Variants in EXOC4 observed in about 807,000 individuals in gnomAD.
EXOC4 encodes SEC8-like 1.
Under a neutral mutation model 107.2 loss-of-function variants are expected in EXOC4, and 71 were observed. That is an observed-to-expected ratio of 0.66 (90% confidence interval 0.55 to 0.81). EXOC4 has a LOEUF of 0.81. Ranked by LOEUF, EXOC4 falls within the 30% of genes least tolerant of loss-of-function variation. EXOC4 has a pLI of 0.00. For synonymous variants in EXOC4, 456 were observed against 441.2 expected, an observed-to-expected ratio of 1.03 and a Z score of -0.42; for missense variants, 1,108 against 1,189.6, an observed-to-expected ratio of 0.93 and a Z score of 1.01.
intron 14 of EXOC4, among the ~76,000 whole-genome samples, chr7:133,956,845 A>C (rs1223476041): frequency 1.3e-5 from 2 of 152,244 alleles, no homozygotes; most frequent in Admixed American, 1.3e-4. Flanking sequence ...GATCATACTT[A>C]TTCCACCACA....
At chr7:133,971,349 TATATATATATATAGAG>T (rs1303325352) in intron 14 of EXOC4, among the ~76,000 whole-genome samples, 7 of 99,998 alleles carry the variant, frequency 7.0e-5, no homozygotes, top group Admixed American at 1.1e-4. Context: ...TATATATATA[TATATATATATATAGAG>T]AGAGAGAGAG....
chr7:133,937,028 A>G (rs1800320041), intron 13 of EXOC4, among the ~76,000 whole-genome samples: 1 of 152,168 alleles, frequency 6.6e-6, no homozygotes, highest in African/African-American at 2.4e-5. Flanking sequence ...GAAATTAGGA[A>G]GCCTGAGTCC....
rs140151662 is a variant in EXOC4 at position 134,007,550 on chromosome 7, T to C, written c.2528-126T>C. 4.3e-3 allele frequency: 3,374 copies of C among 791,992 alleles called. 18 individuals are homozygous for C. Among genetic ancestry groups the C allele is most frequent in the Non-Finnish European group, 4.8e-3 (2,587 of 543,728 alleles). The allele number at this position is 791,992 out of a possible 1,614,324, so 49.1% of individuals were successfully genotyped here. On this transcript the variant is annotated intron_variant, in intron 16 of 17. Coordinates refer to ENST00000253861, the MANE Select transcript of EXOC4 (RefSeq NM_021807.4). ...GATCAGCAGATGCAACCATCAGAGG[T>C]AGATTTTCTTTGGTCGTTTAAATGT...
intron 10 of EXOC4, among the ~76,000 whole-genome samples, chr7:133,695,239 C>T (rs1324718264): frequency 1.3e-5 from 2 of 151,786 alleles, no homozygotes; most frequent in Non-Finnish European, 2.9e-5. Context: ...CTTTCTGTGC[C>T]TGGGTTTTTT....
intron 11 of EXOC4, among the ~76,000 whole-genome samples, chr7:133,843,866 C>T (rs1798069606): frequency 6.6e-6 from 1 of 152,092 alleles, no homozygotes; most frequent in Non-Finnish European, 1.5e-5. Context: ...GGGTTTTTAA[C>T]CTGAAGAGAT....
intron 17 of EXOC4, among the ~76,000 whole-genome samples, chr7:134,010,893 T>A (rs1794748115): frequency 6.6e-6 from 1 of 152,208 alleles, no homozygotes; most frequent in African/African-American, 2.4e-5. Context: ...CTCATAGTAT[T>A]GTTATCTTGT....
intron 9 of EXOC4, among the ~76,000 whole-genome samples, chr7:133,556,946 CAGTG>C (rs898271820): frequency 2.6e-5 from 4 of 152,132 alleles, no homozygotes; most frequent in Non-Finnish European, 5.9e-5. Context: ...CCCTCTGTTT[CAGTG>C]AGTGAGTGAG....
At chr7:133,899,745 CTT>C (rs35095963) in intron 12 of EXOC4, among the ~76,000 whole-genome samples, 2,912 of 86,148 alleles carry the variant, frequency 0.034, 29 homozygotes, top group Non-Finnish European at 0.038. Context: ...CAGATGTACT[CTT>C]TTTTTTTTTT....
At chr7:134,035,523 A>G (rs774030337) in intron 17 of EXOC4, among the ~76,000 whole-genome samples, 1 of 152,218 alleles carries the variant, frequency 6.6e-6, no homozygotes, top group African/African-American at 2.4e-5. Context: ...GCAGTATTAC[A>G]GATGAGCCAT....
chr7:133,271,058 A>G (rs2150519561), intron 1 of EXOC4, among the ~76,000 whole-genome samples: 1 of 152,112 alleles, frequency 6.6e-6, no homozygotes, highest in South Asian at 2.1e-4. Context: ...AACTGGGACA[A>G]CAGGCACGGG....
intron 10 of EXOC4, among the ~76,000 whole-genome samples, chr7:133,681,827 G>A (rs774921413): frequency 5.3e-5 from 8 of 152,052 alleles, no homozygotes; most frequent in Non-Finnish European, 1.2e-4. Flanking sequence ...CGTTTTAGTT[G>A]TAAGGATTAA....
chr7:133,696,803 T>C (rs1794544866), intron 10 of EXOC4, among the ~76,000 whole-genome samples: 1 of 152,212 alleles, frequency 6.6e-6, no homozygotes, highest in Non-Finnish European at 1.5e-5. Flanking sequence ...CACATCAGCC[T>C]CTCCCTTACT....
intron 10 of EXOC4, among the ~76,000 whole-genome samples, chr7:133,686,712 G>A (rs1481649032): frequency 6.6e-6 from 1 of 152,002 alleles, no homozygotes; most frequent in East Asian, 1.9e-4. Context: ...AAAAATAATA[G>A]ATGTGGGTGT....
intron 9 of EXOC4, among the ~76,000 whole-genome samples, chr7:133,591,135 A>G (rs1206186112): frequency 1.3e-5 from 2 of 152,164 alleles, no homozygotes; most frequent in Admixed American, 6.5e-5. Context: ...GAACTATCCT[A>G]TTTCAATTGC....
At chr7:133,805,007 A>G (rs56225759) in intron 10 of EXOC4, among the ~76,000 whole-genome samples, 18,239 of 152,194 alleles carry the variant, frequency 0.12, 1,194 homozygotes, top group Middle Eastern at 0.15. Context: ...ATTATTTATT[A>G]AAACATTTAT....
intron 6 of EXOC4, among the ~76,000 whole-genome samples, chr7:133,369,970 A>G (rs1012651500): frequency 1.3e-5 from 2 of 151,748 alleles, no homozygotes; most frequent in Non-Finnish European, 2.9e-5. Flanking sequence ...ACGCCCAGCT[A>G]ATTTTGTACT....
chr7:133,349,788 G>A (rs928174755), intron 5 of EXOC4, among the ~76,000 whole-genome samples: 4 of 152,052 alleles, frequency 2.6e-5, no homozygotes, highest in African/African-American at 9.7e-5. Flanking sequence ...CCCAACAGCA[G>A]TGCACAAGCG....
At chr7:134,071,838 A>G in the EXOC4 span, among the ~76,000 whole-genome samples, 1 of 152,114 alleles carries the variant, frequency 6.6e-6, no homozygotes. Context: ...TGCTATTTTG[A>G]GCCAAACCCC....
chr7:133,749,219 C>G (rs1241779859), intron 10 of EXOC4, among the ~76,000 whole-genome samples: 1 of 152,108 alleles, frequency 6.6e-6, no homozygotes, highest in African/African-American at 2.4e-5. Context: ...AATCACTGCC[C>G]TCTGTGATAG....
Sources: gnomAD v4.1 joint callset for allele counts (sites outside exome capture counted in the v4.1 genomes callset) on GRCh38, gnomAD v4.1.1 for gene constraint, MANE v1.5 for transcripts, NCBI Gene and HGNC (gene_info 2026-07-23, HGNC 2026-07-21) for gene names.